DOCK6: variants seen among roughly 807,000 people sequenced by gnomAD.
DOCK6 encodes the protein dedicator of cytokinesis protein 6.
DOCK6 carries 167 observed loss-of-function variants against 230.3 expected under a neutral mutation model. That is an observed-to-expected ratio of 0.73 (90% CI 0.64 to 0.82). The LOEUF is 0.82. DOCK6 is among the 40% of genes least tolerant of loss of function. The pLI is 0.00. For synonymous variants in DOCK6, 1,148 were observed against 1,185.0 expected (o/e 0.97, Z 0.64); for missense variants, 2,598 against 2,825.8 (o/e 0.92, Z 1.83).
Position 11,202,094 on chromosome 19 carries a change from T to C in DOCK6, c.5483A>G (p.Tyr1828Cys). The change falls in exon 44 of 48, where the codon TAC becomes TGC. Residue 1828 changes from tyrosine (Y) to cysteine (C), a missense_variant. By Grantham distance (194) the Tyr-to-Cys change is radical (BLOSUM62 -2). Transcript: ENST00000294618. This position sits in a 1 kb window ranked among gnomAD's most constrained non-coding sequence, Gnocchi z 5.3. ...AYIQITYVEP[Y>C]FDTYELKDRV... ...GTCCTTGAGCTCGTAGGTATCAAAG[T>C]ACGGTTCCACATACGTGATCTGGAT... The C allele has an allele frequency of 6.2e-7, 1 of 1,614,028 alleles. No homozygotes were observed.
intron 16 of DOCK6, 101 bp from the exon 17 acceptor site, chr19:11,237,880 G>C (rs922604793): frequency 2.1e-6 from 3 of 1,422,764 alleles, no homozygotes; most frequent in African/African-American, 1.4e-5. Context: ...AGGCCCCACT[G>C]TCTCTGCTGT....
Position 11,251,087 on chromosome 19 carries a change from C to A in DOCK6, c.508-1G>T. 1 of 1,608,352 alleles carries A rather than the reference C, an allele frequency of 6.2e-7. No individual in the cohort carries two copies. The highest frequency in any genetic ancestry group is 1.1e-5 in the South Asian group (1 of 89,988). Reference sequence around the variant, plus strand: ...AGCCCGAGCCACGCCGGGAGTCATTCTGCCAGTGGAGAATGTGCAAGCACT... The same window carrying A: ...AGCCCGAGCCACGCCGGGAGTCATTATGCCAGTGGAGAATGTGCAAGCACT... On this transcript the variant is annotated splice_acceptor_variant, in intron 5 of 47. Transcript: ENST00000294618. LOFTEE classifies it high-confidence loss of function.
chr19:11,209,150 C>G, intron 37 of DOCK6, 47 bp from the exon 38 acceptor site: 1 of 1,562,656 alleles, frequency 6.4e-7, no homozygotes, highest in East Asian at 2.4e-5. Flanking sequence ...TCACCTGGTC[C>G]TCCCCACCTG....
At chr19:11,205,126 T>G (rs547986182) in intron 39 of DOCK6, among the ~76,000 whole-genome samples, 1 of 152,322 alleles carries the variant, frequency 6.6e-6, no homozygotes, top group South Asian at 2.1e-4. Flanking sequence ...AAAACAGGCA[T>G]CCTGTGAGGT....
rs202060773 is a variant in DOCK6 at position 11,257,650 on chromosome 19, ATGG to A, written c.45-3927_45-3925del. On this transcript the variant is annotated intron_variant, in intron 1 of 47. Transcript: ENST00000294618. Reference sequence around the variant, plus strand: ...CTAAAAATACAAAAATTAGCCAGGCATGGTGGCACATGCCGGTAATCTCAGTTA... The same window carrying A: ...CTAAAAATACAAAAATTAGCCAGGCATGGCACATGCCGGTAATCTCAGTTA... 4.3e-3 allele frequency among the ~76,000 whole-genome samples: 655 copies of A among 152,250 alleles called. 20 individuals carry two copies. Among genetic ancestry groups the A allele is most frequent in the East Asian group, 0.03 (157 of 5,164 alleles).
intron 14 of DOCK6, 122 bp from the exon 15 acceptor site, chr19:11,238,426 G>T: frequency 2.2e-6 from 2 of 891,784 alleles, no homozygotes; most frequent in Non-Finnish European, 3.5e-6. Context: ...AGGTCATGAG[G>T]CTGGGGCATT....
intron 21 of DOCK6, 91 bp downstream of exon 21, chr19:11,235,507 T>G: frequency 7.5e-7 from 1 of 1,336,666 alleles, no homozygotes; most frequent in Non-Finnish European, 1.0e-6. Context: ...CAGCTCGGCC[T>G]CCCAAAGTCC....
rs7252937 is a variant in DOCK6, at chr19:11,238,235, A to G, written c.1713T>C (p.Ala571=). ...SSRQGSVRNL[A]VRVQYMTGED... ...CGCCTGTCATGTACTGCACTCGCAC[A>G]GCAAGGTTGCGCACGGAGCCCTGGC... The change falls in exon 15 of 48, where the codon GCT becomes GCC. Residue 571 remains alanine (A), a synonymous_variant. Transcript: ENST00000294618. 0.094 allele frequency: 151,413 copies of G among 1,613,280 alleles called. 11,932 individuals carry two copies. Among genetic ancestry groups the G allele is most frequent in the African/African-American group, 0.43 (32,480 of 74,924 alleles).
At chr19:11,247,051 C>G (rs2080045910) in intron 7 of DOCK6, among the ~76,000 whole-genome samples, 1 of 152,146 alleles carries the variant, frequency 6.6e-6, no homozygotes, top group Admixed American at 6.5e-5. Flanking sequence ...TATCCCGGCT[C>G]TGTGTGGTCA....
rs1045012630 is a variant in DOCK6 at position 11,237,412 on chromosome 19, T to C, written c.2073+44A>G. 3.1e-6 allele frequency: 5 copies of C among 1,609,370 alleles called. No individual in the cohort carries two copies. The African/African-American group carries it at 6.7e-5, about 21-fold the overall frequency. Reference sequence around the variant, plus strand: ...GGAAGGCAGGTGACTCGGGAGTGCTTCTGGGGACAGTGCATTGGCAGGCAG... The same window carrying C: ...GGAAGGCAGGTGACTCGGGAGTGCTCCTGGGGACAGTGCATTGGCAGGCAG... On this transcript the variant is annotated intron_variant, in intron 18 of 47. Coordinates refer to ENST00000294618, the MANE Select transcript of DOCK6 (RefSeq NM_020812.4).
rs60315911 is a variant in DOCK6 at position 11,254,350 on chromosome 19, G to C, written c.45-624C>G. On this transcript the variant is annotated intron_variant, in intron 1 of 47. Coordinates refer to ENST00000294618, the MANE Select transcript of DOCK6 (RefSeq NM_020812.4). ...TTCTAAGTAACCCCAAGCAACCAAG[G>C]TGGGCCCTGGGGCCTTCCTGGGCCA... 5.8e-3 allele frequency among the ~76,000 whole-genome samples: 891 copies of C among 152,338 alleles called. 10 individuals carry two copies. The highest frequency in any genetic ancestry group is 0.02 in the African/African-American group (821 of 41,582).
At position 11,222,119 on chromosome 19, in the gene DOCK6, CA is replaced by C; in HGVS notation, c.3369del (p.Glu1124ArgfsTer34). 6.2e-7 allele frequency: 1 copy of C among 1,613,090 alleles called. No homozygotes were observed. Among genetic ancestry groups the C allele is most frequent in the South Asian group, 1.1e-5 (1 of 90,900 alleles). ...AGGAGCTCTGCTCACCCTTCAGCCT[CA>C]GGTTCGAGGGCCAGTGCCAGCTCCG... is the stretch of plus-strand genomic sequence containing the variant. ...LLTELALALEPEAEGAFLLHK... is the reference protein window; with the variant it reads ...LLTELALALEXEAEGAFLLHK... On this transcript the variant is annotated frameshift_variant, in exon 27 of 48. Transcript: ENST00000294618. LOFTEE classifies it high-confidence loss of function. The surrounding 1 kb of genome is among the most constrained non-coding windows in gnomAD (Gnocchi z 4.0).
At chr19:11,215,326 A>G (rs1285055059) in intron 32 of DOCK6, 61 bp downstream of exon 32, 7 of 1,481,244 alleles carry the variant, frequency 4.7e-6, no homozygotes, top group East Asian at 2.3e-5. Flanking sequence ...GACTCAAGCA[A>G]TCCTCCTGCC....
intron 3 of DOCK6, 51 bp downstream of exon 3, chr19:11,252,731 TG>T: frequency 6.3e-7 from 1 of 1,596,216 alleles, no homozygotes; most frequent in Non-Finnish European, 8.6e-7. Flanking sequence ...TTGATGGGGT[TG>T]GCAGAGACAG....
chr19:11,237,330 C>T, intron 18 of DOCK6, 126 bp downstream of exon 18: 1 of 960,366 alleles, frequency 1.0e-6, no homozygotes, highest in Non-Finnish European at 1.6e-6. Context: ...TAATGAGCTA[C>T]ACGGGGGCCC....
chr19:11,204,344 T>G lies in DOCK6; in HGVS notation c.5089-13A>C. On this transcript the variant is annotated splice_polypyrimidine_tract_variant and intron_variant, in intron 39 of 47. Coordinates refer to ENST00000294618, the MANE Select transcript of DOCK6 (RefSeq NM_020812.4). ...CGTAGAGCCCGCCCTGAGGGTGAGGTGGGGTCAGGATTCCCCAAACTGTCT... is the reference window on the plus strand; with the variant it reads ...CGTAGAGCCCGCCCTGAGGGTGAGGGGGGGTCAGGATTCCCCAAACTGTCT... 6.2e-7 allele frequency: 1 copy of G among 1,609,672 alleles called. No homozygotes were observed. The highest frequency in any genetic ancestry group is 1.1e-5 in the South Asian group (1 of 90,792).
intron 1 of DOCK6, among the ~76,000 whole-genome samples, chr19:11,258,943 G>C (rs908279752): frequency 1.3e-5 from 2 of 151,370 alleles, no homozygotes; most frequent in Admixed American, 1.3e-4. Flanking sequence ...TTTTCGTAGA[G>C]ATGGGGTTTC....
Position 11,247,327 on chromosome 19 carries a change from C to T in DOCK6, c.806+739G>A, listed in dbSNP as rs547133652. ...CAGGCTGGTCTCAAATTCCTGAGCT[C>T]AGGTGATCCGCCCGCCTTGGCTTCC... On this transcript the variant is annotated intron_variant, in intron 7 of 47. Transcript: ENST00000294618. The T allele has an allele frequency of 7.9e-5, 12 of 151,976 alleles. No homozygotes were observed. The East Asian group carries it at 1.5e-3, about 20-fold the overall frequency. 9.4% of individuals were successfully genotyped at this position (151,976 alleles called of 1,614,324 possible).
In DOCK6 at chr19:11,213,355, TGTCCA is replaced by T. The variant is rs1568224853; in HGVS notation, c.4339-32_4339-28del. 9.4e-6 allele frequency: 15 copies of T among 1,601,310 alleles called. No homozygotes were observed. In the East Asian group the frequency reaches 3.4e-4, roughly 36 times the overall value. On this transcript the variant is annotated intron_variant, in intron 34 of 47. Coordinates refer to ENST00000294618, the MANE Select transcript of DOCK6 (RefSeq NM_020812.4). The stretch of plus-strand genomic sequence containing the variant: ...TGCCCCCAAGGACCCAGACAGACAC[TGTCCA>T]GCCCCTCCCCGTTCTGGCTCAGAAG...
Sources: allele counts gnomAD v4.1 joint callset (sites outside exome capture counted in the v4.1 genomes callset), GRCh38; gene constraint gnomAD v4.1.1; non-coding constraint Gnocchi (gnomAD v3.1); transcripts MANE v1.5; gene names NCBI Gene and HGNC (gene_info 2026-07-23, HGNC 2026-07-21).